GDPD5: variants seen among roughly 807,000 people sequenced by gnomAD.
The protein encoded by GDPD5 is glycerophosphodiester phosphodiesterase domain containing 5.
Under a neutral mutation model 75.1 loss-of-function variants are expected in GDPD5, and 48 were observed. The ratio of observed to expected loss-of-function variants is 0.64; its 90% CI spans 0.51 to 0.81. The LOEUF is 0.81. Among genes scored for constraint, GDPD5 ranks in the 40% least tolerant of loss-of-function variants. The probability of loss-of-function intolerance (pLI) is 0.00; values close to 1 mark genes in which losing one functional copy is unlikely to be tolerated. For missense variants in GDPD5, 706 were observed against 822.6 expected, an observed-to-expected ratio of 0.86 and a Z score of 1.73; for synonymous variants, 336 against 339.0, an observed-to-expected ratio of 0.99 and a Z score of 0.10.
chr11:75,492,568 C>G (rs1458878152), intron 1 of GDPD5: 23 of 152,296 alleles, frequency 1.5e-4, no homozygotes, highest in Non-Finnish European at 4.4e-5. Context: ...TCACCCTCCA[C>G]TTTTTGCTGC....
chr11:75,484,079 T>C (rs1949973940), intron 2 of GDPD5, among the ~76,000 whole-genome samples: 2 of 151,994 alleles, frequency 1.3e-5, no homozygotes, highest in African/African-American at 4.8e-5. Context: ...TCCCAGCTAT[T>C]TGGGAGGCTG....
intron 1 of GDPD5, among the ~76,000 whole-genome samples, chr11:75,516,893 G>A (rs923503189): frequency 3.9e-5 from 6 of 152,202 alleles, no homozygotes; most frequent in Non-Finnish European, 7.3e-5. Context: ...TGGTAGACAC[G>A]TTGGACAGTG....
chr11:75,455,295 GCTTTGCAGCCAGGAGAAGAAACTCC>G (rs1949261120), intron 6 of GDPD5: 1 of 455,222 alleles, frequency 2.2e-6, no homozygotes, highest in Non-Finnish European at 4.4e-6. Context: ...TCAAATGCCA[GCTTTGCAGCCAGGAGAAGAAACTCC>G]CTCACAGAGG....
At chr11:75,521,027 C>T (rs928311678) in intron 1 of GDPD5, among the ~76,000 whole-genome samples, 5 of 152,254 alleles carry the variant, frequency 3.3e-5, no homozygotes, top group Admixed American at 1.3e-4. Context: ...CATACCACAT[C>T]CTCTGGCCCT....
chr11:75,440,685 A>G (rs1948770253), intron 14 of GDPD5, among the ~76,000 whole-genome samples: 1 of 152,146 alleles, frequency 6.6e-6, no homozygotes. Context: ...CCTACCGAGT[A>G]GCTAGGACTA....
intron 3 of GDPD5, among the ~76,000 whole-genome samples, chr11:75,465,739 C>T (rs1284000671): frequency 6.6e-6 from 1 of 152,228 alleles, no homozygotes; most frequent in Non-Finnish European, 1.5e-5. Context: ...CACTTTGCCT[C>T]CTCAGGGGCA....
At chr11:75,482,482 C>A (rs1237240661) in intron 2 of GDPD5, among the ~76,000 whole-genome samples, 1 of 152,182 alleles carries the variant, frequency 6.6e-6, no homozygotes, top group African/African-American at 2.4e-5. Flanking sequence ...AGACCCAGTT[C>A]AGCCACACTG....
intron 1 of GDPD5, among the ~76,000 whole-genome samples, chr11:75,510,093 CA>C: frequency 6.6e-6 from 1 of 152,358 alleles, no homozygotes; most frequent in South Asian, 2.1e-4. Flanking sequence ...CTTCTGGGCT[CA>C]GGGGGCCAAC....
rs752022999 is a variant in GDPD5, at chr11:75,442,535, C to T, written c.995G>A (p.Arg332Lys). Residue 332 changes from arginine (R) to lysine (K), a missense_variant, in exon 12 of 17, where the codon AGA becomes AAA. Physicochemically the swap from Arg to Lys is conservative, Grantham distance 26 (BLOSUM62 2). Coordinates refer to ENST00000336898, the MANE Select transcript of GDPD5 (RefSeq NM_030792.8). The stretch of plus-strand genomic sequence containing the variant: ...GCAGATGGACTGGTTCTGGGCCTCT[C>T]TGTGGTCGGAGGGTGACAGGGAGCT... ...TASSLSPSDH[R>K]EAQNQSICSL... 4 of 1,614,190 alleles carry T rather than the reference C, an allele frequency of 2.5e-6. No homozygotes were observed. Among genetic ancestry groups the T allele is most frequent in the Non-Finnish European group, 3.4e-6 (4 of 1,180,032 alleles).
chr11:75,462,839 G>A lies in GDPD5; in HGVS notation c.168C>T (p.Leu56=), dbSNP rs750732936. 3 of 1,614,150 alleles carry A rather than the reference G, an allele frequency of 1.9e-6. No individual in the cohort carries two copies. The highest frequency in any genetic ancestry group is 2.2e-5 in the East Asian group (1 of 44,886). The part of the protein sequence containing the change: ...LLLTFTFGLT[L]TWLYFWWEVH... ...CTTCCCACCAGAAGTAAAGCCAGGT[G>A]AGCGTGAGGCCAAAGGTGAAGGTGA... is the stretch of plus-strand genomic sequence containing the variant. Residue 56 remains leucine, a synonymous_variant, in exon 4 of 17, where the codon CTC becomes CTT. Coordinates refer to ENST00000336898, the MANE Select transcript of GDPD5 (RefSeq NM_030792.8).
chr11:75,510,162 C>A (rs78505476), intron 1 of GDPD5, among the ~76,000 whole-genome samples: 106 of 152,358 alleles, frequency 7.0e-4, no homozygotes, highest in African/African-American at 2.4e-3. Context: ...GGCTGTCCCC[C>A]ACTCAGGGCA....
chr11:75,495,182 G>T (rs757149175), intron 1 of GDPD5, among the ~76,000 whole-genome samples: 14 of 151,798 alleles, frequency 9.2e-5, no homozygotes, highest in Non-Finnish European at 1.6e-4. Flanking sequence ...CAGGAGAGTC[G>T]CTTGAACCCG....
intron 6 of GDPD5, among the ~76,000 whole-genome samples, chr11:75,455,531 C>G (rs560863235): frequency 1.3e-4 from 20 of 152,374 alleles, no homozygotes; most frequent in Admixed American, 9.1e-4. Context: ...ACAGCCCAAC[C>G]CAGGCTCATG....
At chr11:75,480,940 T>C (rs929672045) in intron 2 of GDPD5, among the ~76,000 whole-genome samples, 10 of 152,250 alleles carry the variant, frequency 6.6e-5, no homozygotes, top group Admixed American at 1.3e-4. Flanking sequence ...GTTTTAACTG[T>C]AACTGCAGTG....
Position 75,449,897 on chromosome 11 carries a change from C to T in GDPD5, c.462G>A (p.Leu154=). 3.1e-6 allele frequency: 5 copies of T among 1,613,514 alleles called. No homozygotes were observed. Among genetic ancestry groups the T allele is most frequent in the Non-Finnish European group, 4.2e-6 (5 of 1,179,774 alleles). Residue 154 remains leucine (L), a synonymous_variant, in exon 7 of 17, where the codon CTG becomes CTA. Coordinates refer to ENST00000336898, the MANE Select transcript of GDPD5 (RefSeq NM_030792.8). ...CCTCCTCACTCACCTGCAGGGAGATCAGCAGCACCTCCCACTCGTCCTCCC... is the reference window on the plus strand; with the variant it reads ...CCTCCTCACTCACCTGCAGGGAGATTAGCAGCACCTCCCACTCGTCCTCCC... ...QLWEDEWEVL[L]ISLQGTAPFL...
At chr11:75,439,514 C>T (rs2135134153) in intron 15 of GDPD5, among the ~76,000 whole-genome samples, 1 of 151,358 alleles carries the variant, frequency 6.6e-6, no homozygotes, top group South Asian at 2.1e-4. Context: ...GCCCTAGACC[C>T]TCCCTGGGAC....
chr11:75,490,803 A>C (rs1258616144), intron 1 of GDPD5: 1 of 152,072 alleles, frequency 6.6e-6, no homozygotes, highest in African/African-American at 2.4e-5. Context: ...CCACAATTAC[A>C]TGCCTGAGCT....
rs367811882 is a variant in GDPD5 at position 75,439,979 on chromosome 11, G to A, written c.1474-18C>T. ...TCCGGGGGCTGTGGACAGACGGCCC[G>A]AGGCCAACTTCCAGTCATGGCCAGT... On this transcript the variant is annotated intron_variant, in intron 14 of 16. Transcript: ENST00000336898. 1.9e-4 allele frequency: 303 copies of A among 1,601,136 alleles called. No individual in the cohort carries two copies. The highest frequency in any genetic ancestry group is 8.5e-4 in the South Asian group (77 of 90,518).
At chr11:75,506,819 T>C (rs907623822) in intron 1 of GDPD5, 3 of 152,070 alleles carry the variant, frequency 2.0e-5, no homozygotes, top group Non-Finnish European at 4.4e-5. Context: ...CTTCCAAGAT[T>C]TGGGAACTGA....
Sources: gnomAD v4.1 joint callset for allele counts (sites outside exome capture counted in the v4.1 genomes callset) on GRCh38, gnomAD v4.1.1 for gene constraint, MANE v1.5 for transcripts, NCBI Gene and HGNC (gene_info 2026-07-23, HGNC 2026-07-21) for gene names.